LIN7A: variants seen among roughly 807,000 people sequenced by gnomAD.
LIN7A encodes the protein protein lin-7 homolog A.
A neutral mutation model predicts 29.8 loss-of-function variants in LIN7A; 25 were observed. The observed-to-expected ratio is 0.84, with a 90% CI of 0.61 to 1.17. LIN7A has a LOEUF of 1.17. Among genes scored for constraint, LIN7A ranks in the 50% most tolerant of loss-of-function variants. The pLI, the probability that LIN7A is intolerant of heterozygous loss-of-function variation, is 0.00. For missense variants in LIN7A, 239 were observed against 287.0 expected (o/e 0.83, Z 1.21); for synonymous variants, 118 against 107.5 (o/e 1.10, Z -0.60).
intron 4 of LIN7A, among the ~76,000 whole-genome samples, chr12:80,843,678 C>T (rs1565898642): frequency 6.6e-6 from 1 of 151,770 alleles, no homozygotes; most frequent in Non-Finnish European, 1.5e-5. Flanking sequence ...AACATTTTGC[C>T]TCATTTTATT....
rs189159157 is a variant in LIN7A, at chr12:80,801,960, G to A, written c.*1-4234C>T. Among the ~76,000 whole-genome samples, 1,321 of 149,920 alleles carry A rather than the reference G, an allele frequency of 8.8e-3. 22 individuals carry two copies. Among genetic ancestry groups the A allele is most frequent in the African/African-American group, 0.031 (1,243 of 40,452 alleles). On this transcript the variant is annotated intron_variant, in intron 5 of 5. Coordinates refer to ENST00000552864, the MANE Select transcript of LIN7A (RefSeq NM_004664.4). The stretch of plus-strand genomic sequence containing the variant: ...TGCCCAAGCTGGAGTGCAGTGGTGC[G>A]ATCTCGGCTCACTGCAACCTCCACC...
At chr12:80,818,185 G>A (rs1229538732) in intron 4 of LIN7A, among the ~76,000 whole-genome samples, 1 of 152,104 alleles carries the variant, frequency 6.6e-6, no homozygotes, top group Non-Finnish European at 1.5e-5. Context: ...TTGAGATGGA[G>A]TCTCGCTCTG....
At chr12:80,874,056 A>T (rs1433985755) in intron 2 of LIN7A, among the ~76,000 whole-genome samples, 3 of 152,106 alleles carry the variant, frequency 2.0e-5, no homozygotes. Flanking sequence ...TGATCTGGGA[A>T]ATAGAAAATG....
At chr12:80,898,351 C>T (rs1474569264) in intron 1 of LIN7A, among the ~76,000 whole-genome samples, 1 of 152,180 alleles carries the variant, frequency 6.6e-6, no homozygotes. Context: ...GTACCACTAT[C>T]ATGCTGTTTT....
chr12:80,908,278 G>A (rs906456440), intron 1 of LIN7A, among the ~76,000 whole-genome samples: 4 of 152,078 alleles, frequency 2.6e-5, no homozygotes, highest in South Asian at 2.1e-4. Flanking sequence ...TGTACCAACC[G>A]TAAGAATGAT....
At chr12:80,865,317 T>TA (rs561342720) in intron 2 of LIN7A, among the ~76,000 whole-genome samples, 7 of 152,164 alleles carry the variant, frequency 4.6e-5, no homozygotes, top group Middle Eastern at 3.4e-3. Context: ...TCTGTCATTT[T>TA]AAAAAAAAGG....
At chr12:80,900,072 T>A (rs1170784011) in intron 1 of LIN7A, among the ~76,000 whole-genome samples, 2 of 152,180 alleles carry the variant, frequency 1.3e-5, no homozygotes, top group Non-Finnish European at 2.9e-5. Flanking sequence ...TTCATAGTAC[T>A]CTCTGACGGG....
chr12:80,808,799 T>C (rs1227345771), intron 5 of LIN7A, among the ~76,000 whole-genome samples: 1 of 151,666 alleles, frequency 6.6e-6, no homozygotes, highest in Non-Finnish European at 1.5e-5. Flanking sequence ...GCCACCACGC[T>C]TGGCTCCCAA....
chr12:80,923,136 C>T (rs111344342), intron 1 of LIN7A, among the ~76,000 whole-genome samples: 1 of 152,172 alleles, frequency 6.6e-6, no homozygotes, highest in African/African-American at 2.4e-5. Flanking sequence ...AGAAGAAAGG[C>T]GAACTTGCAC....
chr12:80,843,680 C>T (rs1034808202), intron 4 of LIN7A, among the ~76,000 whole-genome samples: 1 of 151,842 alleles, frequency 6.6e-6, no homozygotes, highest in Non-Finnish European at 1.5e-5. Flanking sequence ...CATTTTGCCT[C>T]ATTTTATTCT....
At chr12:80,816,051 C>T (rs1871514754) in intron 4 of LIN7A, among the ~76,000 whole-genome samples, 1 of 152,148 alleles carries the variant, frequency 6.6e-6, no homozygotes, top group African/African-American at 2.4e-5. Context: ...ACTGTACATT[C>T]CCATCCTGAA....
chr12:80,893,365 G>A (rs1875725318), intron 1 of LIN7A, among the ~76,000 whole-genome samples: 1 of 152,106 alleles, frequency 6.6e-6, no homozygotes, highest in African/African-American at 2.4e-5. Flanking sequence ...TCTAGGAGTG[G>A]AATCTACTAA....
chr12:80,864,089 T>C (rs189039509), intron 2 of LIN7A, among the ~76,000 whole-genome samples: 70 of 152,276 alleles, frequency 4.6e-4, no homozygotes, highest in African/African-American at 1.7e-3. Context: ...TTTCATTATT[T>C]ATATCTATAG....
chr12:80,912,304 G>C (rs1250702274), intron 1 of LIN7A, among the ~76,000 whole-genome samples: 1 of 151,818 alleles, frequency 6.6e-6, no homozygotes, highest in Non-Finnish European at 1.5e-5. Context: ...TCATGTATGG[G>C]GGTTGGGGGG....
chr12:80,804,928 T>A (rs1870905083), intron 5 of LIN7A, among the ~76,000 whole-genome samples: 1 of 151,954 alleles, frequency 6.6e-6, no homozygotes, highest in Admixed American at 6.5e-5. Context: ...TCCATTCATC[T>A]GTTGATGGAC....
At chr12:80,868,844 G>T (rs888388711) in intron 2 of LIN7A, among the ~76,000 whole-genome samples, 1 of 152,002 alleles carries the variant, frequency 6.6e-6, no homozygotes, top group Non-Finnish European at 1.5e-5. Flanking sequence ...CAGGTGGGGG[G>T]GCCCATATCA....
At chr12:80,829,212 G>A (rs779723256) in intron 4 of LIN7A, among the ~76,000 whole-genome samples, 1 of 152,130 alleles carries the variant, frequency 6.6e-6, no homozygotes, top group Non-Finnish European at 1.5e-5. Flanking sequence ...TTCTATAATT[G>A]CCTGGGTAAC....
At chr12:80,926,332 A>G (rs142218026) in intron 1 of LIN7A, among the ~76,000 whole-genome samples, 22 of 152,152 alleles carry the variant, frequency 1.4e-4, no homozygotes, top group African/African-American at 5.1e-4. Context: ...TTTTGTTCCT[A>G]TTTTCATTCC....
intron 5 of LIN7A, among the ~76,000 whole-genome samples, chr12:80,803,155 T>G (rs1253675026): frequency 6.6e-6 from 1 of 152,230 alleles, no homozygotes; most frequent in Non-Finnish European, 1.5e-5. Flanking sequence ...TGTATGTCTA[T>G]TTTTACTTTT....
Sources: allele counts gnomAD v4.1 joint callset (sites outside exome capture counted in the v4.1 genomes callset), GRCh38; gene constraint gnomAD v4.1.1; transcripts MANE v1.5; gene names NCBI Gene and HGNC (gene_info 2026-07-23, HGNC 2026-07-21).